Variants in SPECC1L observed in about 807,000 individuals in gnomAD.
The protein encoded by SPECC1L is cytospin-A.
SPECC1L carries 40 observed loss-of-function variants against 116.8 expected under a neutral mutation model. That is an observed-to-expected ratio of 0.34 (90% CI 0.27 to 0.45). The LOEUF is 0.45. SPECC1L is among the 20% of genes least tolerant of loss of function. The pLI, the probability that SPECC1L is intolerant of heterozygous loss-of-function variation, is 1.00. For synonymous variants in SPECC1L, 504 were observed against 500.6 expected, an observed-to-expected ratio of 1.01 and a Z score of -0.09; for missense variants, 1,110 against 1,373.6, an observed-to-expected ratio of 0.81 and a Z score of 3.03.
intron 14 of SPECC1L, among the ~76,000 whole-genome samples, chr22:24,377,213 A>G (rs1429826535): frequency 6.6e-6 from 1 of 152,134 alleles, no homozygotes; most frequent in Non-Finnish European, 1.5e-5. Flanking sequence ...ACAATATTCC[A>G]TTGTATGGAT....
Position 24,412,765 on chromosome 22 carries a change from C to T in SPECC1L, c.3264+58C>T. 6 of 1,578,324 alleles carry T rather than the reference C, an allele frequency of 3.8e-6. No individual in the cohort carries two copies. The South Asian group carries it at 6.6e-5, about 17-fold the overall frequency. ...GCCCTCCTTCTGGTTAAGAAGAGTT[C>T]AGTCCTGTTTAAGCTGAATCCTCGT... On this transcript the variant is annotated intron_variant, in intron 16 of 16. Transcript: ENST00000314328.
At chr22:24,301,971 G>T (rs147423267) in intron 2 of SPECC1L, among the ~76,000 whole-genome samples, 1 of 151,986 alleles carries the variant, frequency 6.6e-6, no homozygotes, top group Non-Finnish European at 1.5e-5. Context: ...GTGTGAACCC[G>T]GGAGGCGGAG....
intron 14 of SPECC1L, among the ~76,000 whole-genome samples, chr22:24,371,725 TGATTGATC>T (rs1201852046): frequency 6.6e-6 from 1 of 152,304 alleles, no homozygotes; most frequent in South Asian, 2.1e-4. Flanking sequence ...ATTGATTGAT[TGATTGATC>T]GATTGAGAGA....
intron 14 of SPECC1L, among the ~76,000 whole-genome samples, chr22:24,408,401 A>G (rs1038100671): frequency 6.6e-6 from 1 of 152,366 alleles, no homozygotes; most frequent in African/African-American, 2.4e-5. Context: ...GGAATGTAGC[A>G]GGTCTTACCC....
In SPECC1L at chr22:24,412,617, A is replaced by G. The variant is rs1289479950; in HGVS notation, c.3205-31A>G. The stretch of plus-strand genomic sequence containing the variant: ...ACGTGACTTTCTCTGTGCCTTGTTC[A>G]TGCACTGCAGTGACACAGTTTCTTT... On this transcript the variant is annotated intron_variant, in intron 15 of 16. Coordinates refer to ENST00000314328, the MANE Select transcript of SPECC1L (RefSeq NM_015330.6). 1.9e-6 allele frequency: 3 copies of G among 1,612,504 alleles called. No individual in the cohort carries two copies. The South Asian group carries it at 3.3e-5, about 18-fold the overall frequency.
intron 11 of SPECC1L, among the ~76,000 whole-genome samples, chr22:24,349,631 A>T (rs925410452): frequency 6.6e-6 from 1 of 152,178 alleles, no homozygotes; most frequent in Admixed American, 6.5e-5. Context: ...TCTACATGTA[A>T]TCTGCCTTCT....
intron 15 of SPECC1L, chr22:24,412,354 G>T: frequency 2.0e-6 from 1 of 500,468 alleles, no homozygotes; most frequent in Non-Finnish European, 3.7e-6. Flanking sequence ...TAGCTTTTGG[G>T]GGTGCGTGTT....
At chr22:24,346,464 T>G (rs1295034431) in intron 10 of SPECC1L, among the ~76,000 whole-genome samples, 1 of 152,238 alleles carries the variant, frequency 6.6e-6, no homozygotes, top group African/African-American at 2.4e-5. Context: ...GAACCAGGAC[T>G]TGAATGGTCA....
intron 11 of SPECC1L, among the ~76,000 whole-genome samples, chr22:24,350,149 G>T (rs1450118210): frequency 6.6e-6 from 1 of 152,040 alleles, no homozygotes; most frequent in Non-Finnish European, 1.5e-5. Flanking sequence ...CTGGAACACT[G>T]CTGGATCGAA....
rs1447059095 is a variant in SPECC1L, at chr22:24,321,346, T to C, written c.366T>C (p.Thr122=). The C allele has an allele frequency of 6.8e-6, 11 of 1,614,248 alleles. No individual in the cohort carries two copies. Among genetic ancestry groups the C allele is most frequent in the Non-Finnish European group, 9.3e-6 (11 of 1,180,034 alleles). The stretch of plus-strand genomic sequence containing the variant: ...CAGGTAATAAAGAATCCAGTTCTAC[T>C]AGAGAAAGATTACGTGAACGTACCC... ...TSTGNKESSS[T]RERLRERTRL... The change falls in exon 5 of 17, where the codon ACT becomes ACC. Residue 122 remains threonine (T), a synonymous_variant. Coordinates refer to ENST00000314328, the MANE Select transcript of SPECC1L (RefSeq NM_015330.6).
chr22:24,328,957 G>A (rs760966581), intron 7 of SPECC1L, 38 bp downstream of exon 7: 8 of 1,510,952 alleles, frequency 5.3e-6, no homozygotes, highest in African/African-American at 1.4e-5. Flanking sequence ...GTTAGAAAAC[G>A]GTTTTCTGAA....
At position 24,358,357 on chromosome 22, in the gene SPECC1L, C is replaced by T. The variant is rs189744092; in HGVS notation, c.2744-4904C>T. The stretch of plus-strand genomic sequence containing the variant: ...TCCTGGGCTCATGCTCCTCCTCCTG[C>T]GTCAGCTTCCTAGACTATTGGGATT... On this transcript the variant is annotated intron_variant, in intron 11 of 16. Coordinates refer to ENST00000314328, the MANE Select transcript of SPECC1L (RefSeq NM_015330.6). 8.5e-5 allele frequency among the ~76,000 whole-genome samples: 13 copies of T among 152,134 alleles called. No homozygotes were observed. The East Asian group carries it at 1.5e-3, about 18-fold the overall frequency.
intron 14 of SPECC1L, among the ~76,000 whole-genome samples, chr22:24,382,772 G>T (rs2042086713): frequency 6.7e-6 from 1 of 149,786 alleles, no homozygotes; most frequent in South Asian, 2.1e-4. Context: ...TGTAGTCCCA[G>T]CTACTCAGGA....
chr22:24,291,502 CTAA>C (rs71795735), intron 2 of SPECC1L, among the ~76,000 whole-genome samples: 25,641 of 152,136 alleles, frequency 0.17, 2,670 homozygotes, highest in Admixed American at 0.23. Context: ...GGTATATAAT[CTAA>C]TATAAGTAGT....
At chr22:24,345,246 A>T (rs115424560) in intron 10 of SPECC1L, among the ~76,000 whole-genome samples, 6,085 of 152,270 alleles carry the variant, frequency 0.04, 405 homozygotes, top group African/African-American at 0.14. Context: ...TTCTGAAATG[A>T]CTAGATAACT....
rs1344546980 is a variant in SPECC1L at position 24,365,643 on chromosome 22, G to A, written c.2984+11G>A. ...CCGAAGCCGAATAAGGTAGAGAACA[G>A]TTAATATTCATGCATTTCGTGTGTA... On this transcript the variant is annotated intron_variant, in intron 13 of 16. Transcript: ENST00000314328. 1 of 1,613,892 alleles carries A rather than the reference G, an allele frequency of 6.2e-7. No individual in the cohort carries two copies. Among genetic ancestry groups the A allele is most frequent in the Non-Finnish European group, 8.5e-7 (1 of 1,179,958 alleles).
At chr22:24,332,417 T>C (rs1180967157) in intron 8 of SPECC1L, among the ~76,000 whole-genome samples, 1 of 152,236 alleles carries the variant, frequency 6.6e-6, no homozygotes, top group Non-Finnish European at 1.5e-5. Context: ...TGGATTTTAA[T>C]GGGCAGAATA....
intron 11 of SPECC1L, among the ~76,000 whole-genome samples, chr22:24,362,000 C>T (rs1474791501): frequency 6.6e-6 from 1 of 152,164 alleles, no homozygotes; most frequent in African/African-American, 2.4e-5. Context: ...TAGGAGGGAT[C>T]ATGTTTAAAT....
In SPECC1L at chr22:24,333,640, T is replaced by G. The variant is rs563597450; in HGVS notation, c.2397-770T>G. Reference sequence around the variant, plus strand: ...TTTATTTTTATTTTTTTAAAGAGTGTGGGCTAAGCATGATGTATTAGCTGG... The same window carrying G: ...TTTATTTTTATTTTTTTAAAGAGTGGGGGCTAAGCATGATGTATTAGCTGG... On this transcript the variant is annotated intron_variant, in intron 8 of 16. Transcript: ENST00000314328. 4.6e-5 allele frequency among the ~76,000 whole-genome samples: 7 copies of G among 152,016 alleles called. No homozygotes were observed. The South Asian group carries it at 1.5e-3, about 32-fold the overall frequency.
Sources: gnomAD v4.1 joint callset for allele counts (sites outside exome capture counted in the v4.1 genomes callset) on GRCh38, gnomAD v4.1.1 for gene constraint, MANE v1.5 for transcripts, NCBI Gene and HGNC (gene_info 2026-07-23, HGNC 2026-07-21) for gene names.